PCDHGA8: variants seen among roughly 807,000 people sequenced by gnomAD.
The protein encoded by PCDHGA8 is protocadherin gamma-A8.
Under a neutral mutation model 59.2 loss-of-function variants are expected in PCDHGA8, and 45 were observed. That is an observed-to-expected ratio of 0.76 (90% CI 0.60 to 0.98). PCDHGA8 has a LOEUF of 0.98. Ranked by LOEUF, PCDHGA8 falls within the 50% of genes least tolerant of loss-of-function variation. PCDHGA8 has a pLI of 0.00. For synonymous variants in PCDHGA8, 531 were observed against 519.0 expected (o/e 1.02, Z -0.32); for missense variants, 1,257 against 1,196.2 (o/e 1.05, Z -0.75).
chr5:141,433,208 CTTTT>C (rs745329085), intron 1 of PCDHGA8: 3 of 1,293,778 alleles, frequency 2.3e-6, no homozygotes, highest in African/African-American at 1.5e-5. Flanking sequence ...AATCTTCTTT[CTTTT>C]TTTTTTTTAA....
At chr5:141,414,220 C>T in intron 1 of PCDHGA8, 1 of 1,613,094 alleles carries the variant, frequency 6.2e-7, no homozygotes, top group Non-Finnish European at 8.5e-7. Flanking sequence ...TGACAACAGT[C>T]CAGAGCTGAC....
chr5:141,489,124 A>C lies in PCDHGA8; in HGVS notation c.2425-5683A>C. The C allele has an allele frequency of 3.6e-6, 2 of 556,652 alleles. No individual in the cohort carries two copies. Among genetic ancestry groups the C allele is most frequent in the South Asian group, 3.3e-5 (1 of 30,014 alleles). The allele number at this position is 556,652 out of a possible 1,614,324, so 34.5% of individuals were successfully genotyped here. On this transcript the variant is annotated intron_variant, in intron 1 of 3. Transcript: ENST00000398604. The surrounding 1 kb of genome is among the most constrained non-coding windows in gnomAD (Gnocchi z 4.5). ...GCTGCAAGCAGGCAAACCTCCGAGC[A>C]GTTTTTAAGAGGCTGGAAGGAGACA...
chr5:141,394,121 T>G lies in PCDHGA8; in HGVS notation c.1308T>G (p.Thr436=). 1 of 1,613,920 alleles carries G rather than the reference T, an allele frequency of 6.2e-7. No homozygotes were observed. Among genetic ancestry groups the G allele is most frequent in the Non-Finnish European group, 8.5e-7 (1 of 1,179,866 alleles). Residue 436 remains threonine (T), a synonymous_variant, in exon 1 of 4, where the codon ACT becomes ACG. Transcript: ENST00000398604. ...GAACACCACCTCTGTCCACTGAAACTCAAATCGCTCTGCACGTGGCAGACA... is the reference window on the plus strand; with the variant it reads ...GAACACCACCTCTGTCCACTGAAACGCAAATCGCTCTGCACGTGGCAGACA... The part of the protein sequence containing the change: ...DLGTPPLSTE[T]QIALHVADIN...
At chr5:141,447,437 G>A (rs1435222330) in intron 1 of PCDHGA8, among the ~76,000 whole-genome samples, 3 of 152,128 alleles carry the variant, frequency 2.0e-5, no homozygotes, top group Non-Finnish European at 2.9e-5. Context: ...CGCACCCGGA[G>A]GAAATTTTTA....
At chr5:141,469,511 G>T (rs2099203340) in intron 1 of PCDHGA8, among the ~76,000 whole-genome samples, 2 of 152,038 alleles carry the variant, frequency 1.3e-5, no homozygotes, top group South Asian at 2.1e-4. Flanking sequence ...GGAGGTGGAG[G>T]TTGCAGTGAG....
chr5:141,423,744 A>T, intron 1 of PCDHGA8: 4 of 429,458 alleles, frequency 9.3e-6, no homozygotes, highest in Non-Finnish European at 8.7e-6. Context: ...TGTTATGAAA[A>T]CTGTTTGGGG....
chr5:141,436,035 A>G (rs957896521), intron 1 of PCDHGA8, among the ~76,000 whole-genome samples: 3 of 152,178 alleles, frequency 2.0e-5, no homozygotes, highest in Non-Finnish European at 4.4e-5. Flanking sequence ...CTAAATTTGT[A>G]TTTACATTAG....
At chr5:141,448,580 TTACAAAAAGATAAAA>T (rs1484851220) in intron 1 of PCDHGA8, among the ~76,000 whole-genome samples, 1 of 152,180 alleles carries the variant, frequency 6.6e-6, no homozygotes, top group Non-Finnish European at 1.5e-5. Context: ...CCCATTTTTT[TTACAAAAAGATAAAA>T]TACTATACAC....
Position 141,512,089 on chromosome 5 carries a change from T to C in PCDHGA8, c.*916T>C, listed in dbSNP as rs1292597067. 6.6e-6 allele frequency: 1 copy of C among 152,606 alleles called. No individual in the cohort carries two copies. Among genetic ancestry groups the C allele is most frequent in the Non-Finnish European group, 1.5e-5 (1 of 68,068 alleles). 9.5% of individuals were successfully genotyped at this position (152,606 alleles called of 1,614,324 possible). A position where few individuals can be genotyped will look rare whatever the true frequency, so the allele number is the denominator to read the frequency against. ...CCTCCAGATTCCAGCCATAAACCAA[T>C]AACTAGGCTGGACCCTTCCCACTAC... On this transcript the variant is annotated 3_prime_UTR_variant, in exon 4 of 4. Coordinates refer to ENST00000398604, the MANE Select transcript of PCDHGA8 (RefSeq NM_032088.2).
chr5:141,413,050 G>C (rs868475186), intron 1 of PCDHGA8: 5 of 939,920 alleles, frequency 5.3e-6, no homozygotes, highest in Middle Eastern at 3.3e-4. Flanking sequence ...CTGCAGGGAA[G>C]CTCACTCCAG....
chr5:141,489,111 C>G lies in PCDHGA8; in HGVS notation c.2425-5696C>G. 1.9e-6 allele frequency: 1 copy of G among 518,042 alleles called. No individual in the cohort carries two copies. Among genetic ancestry groups the G allele is most frequent in the Non-Finnish European group, 3.2e-6 (1 of 308,182 alleles). The allele number at this position is 518,042 out of a possible 1,614,324, so 32.1% of individuals were successfully genotyped here. The stretch of plus-strand genomic sequence containing the variant: ...GTGACTAAGAACTGCTGCAAGCAGG[C>G]AAACCTCCGAGCAGTTTTTAAGAGG... On this transcript the variant is annotated intron_variant, in intron 1 of 3. Coordinates refer to ENST00000398604, the MANE Select transcript of PCDHGA8 (RefSeq NM_032088.2). This position sits in a 1 kb window ranked among gnomAD's most constrained non-coding sequence, Gnocchi z 4.5.
rs778378242 is a variant in PCDHGA8 at position 141,393,590 on chromosome 5, G to C, written c.777G>C (p.Thr259=). ...VKVLENMPPG[T]RLLTVTASDP... is the part of the protein sequence containing the mutation. ...TCCTTGAGAACATGCCCCCAGGCAC[G>C]CGGCTGCTTACTGTAACAGCCAGCG... The change falls in exon 1 of 4, where the codon ACG becomes ACC. Residue 259 remains threonine, a synonymous_variant. Transcript: ENST00000398604. 1.2e-6 allele frequency: 2 copies of C among 1,613,896 alleles called. No homozygotes were observed. Among genetic ancestry groups the C allele is most frequent in the South Asian group, 1.1e-5 (1 of 91,086 alleles).
chr5:141,418,236 T>C, intron 1 of PCDHGA8: 8 of 1,614,030 alleles, frequency 5.0e-6, no homozygotes, highest in Non-Finnish European at 6.8e-6. Flanking sequence ...ATTGAGGATG[T>C]TAATGACCAC....
At chr5:141,418,295 G>A (rs751665486) in intron 1 of PCDHGA8, 1 of 1,613,996 alleles carries the variant, frequency 6.2e-7, no homozygotes, top group Admixed American at 1.7e-5. Context: ...CAGTGAATCC[G>A]TCAGCCTGGG....
At chr5:141,457,784 T>G (rs1021614051) in intron 1 of PCDHGA8, among the ~76,000 whole-genome samples, 1 of 152,210 alleles carries the variant, frequency 6.6e-6, no homozygotes, top group Non-Finnish European at 1.5e-5. Flanking sequence ...TACCTGTGAG[T>G]TGGGTTATCC....
chr5:141,399,465 G>A, intron 1 of PCDHGA8: 1 of 1,614,014 alleles, frequency 6.2e-7, no homozygotes, highest in Non-Finnish European at 8.5e-7. Context: ...ATAACGCTCC[G>A]GTTTTCCACC....
At chr5:141,473,907 C>A (rs552055360) in intron 1 of PCDHGA8, among the ~76,000 whole-genome samples, 1 of 152,102 alleles carries the variant, frequency 6.6e-6, no homozygotes. Flanking sequence ...ATGAAGAGGT[C>A]TTAAGAAAAC....
chr5:141,392,749 A>G lies in PCDHGA8; in HGVS notation c.-65A>G, dbSNP rs2092584642. ...GATTGTCATCTCCATAGCTGCGGCA[A>G]GAAACTAAATAAGACCCATTTATGC... On this transcript the variant is annotated 5_prime_UTR_variant, in exon 1 of 4. Transcript: ENST00000398604. The G allele has an allele frequency of 6.9e-7, 1 of 1,449,652 alleles. No homozygotes were observed. Among genetic ancestry groups the G allele is most frequent in the Admixed American group, 2.8e-5 (1 of 35,536 alleles). 89.8% of individuals were successfully genotyped at this position (1,449,652 alleles called of 1,614,324 possible).
chr5:141,453,364 G>A (rs921978865), intron 1 of PCDHGA8, among the ~76,000 whole-genome samples: 4 of 151,814 alleles, frequency 2.6e-5, no homozygotes, highest in African/African-American at 9.7e-5. Flanking sequence ...GAACTCCTGG[G>A]GTCAAGTGAT....
Sources: gnomAD v4.1 joint callset for allele counts (sites outside exome capture counted in the v4.1 genomes callset) on GRCh38, gnomAD v4.1.1 for gene constraint, Gnocchi (gnomAD v3.1) non-coding constraint, MANE v1.5 for transcripts, NCBI Gene and HGNC (gene_info 2026-07-23, HGNC 2026-07-21) for gene names.